The following CAMK2B variants were observed in gnomAD, a reference collection of about 807,000 sequenced individuals.
The protein encoded by CAMK2B is calcium/calmodulin-dependent protein kinase type II subunit beta.
In CAMK2B, 27 loss-of-function variants were observed where a neutral mutation model predicts 93.7. The observed-to-expected ratio is 0.29, with a 90% CI of 0.21 to 0.40. The LOEUF (loss-of-function observed/expected upper bound fraction) is 0.40, where lower values mean the gene tolerates loss of function less well. Among genes scored for constraint, CAMK2B ranks in the 10% least tolerant of loss-of-function variants. The pLI is 1.00. For missense variants in CAMK2B, 568 were observed against 895.8 expected (o/e 0.63, Z 4.67); for synonymous variants, 374 against 358.8 (o/e 1.04, Z -0.48).
chr7:44,308,966 C>T (rs1002896439), intron 1 of CAMK2B, among the ~76,000 whole-genome samples: 7 of 152,220 alleles, frequency 4.6e-5, no homozygotes, highest in Admixed American at 1.3e-4. Context: ...AACTGAGCTG[C>T]GGTGACCAGC....
chr7:44,273,664 T>C (rs1034673201), intron 2 of CAMK2B, among the ~76,000 whole-genome samples: 1 of 152,112 alleles, frequency 6.6e-6, no homozygotes, highest in Non-Finnish European at 1.5e-5. Flanking sequence ...GGCCAGCCCC[T>C]GGGGGTGCAG....
At chr7:44,266,263 C>G (rs1270983494) in intron 2 of CAMK2B, among the ~76,000 whole-genome samples, 1 of 152,204 alleles carries the variant, frequency 6.6e-6, no homozygotes, top group Non-Finnish European at 1.5e-5. Context: ...TCTCTCTCCA[C>G]CTGGCTCAGA....
At position 44,284,229 on chromosome 7, in the gene CAMK2B, G is replaced by A. The variant is rs1427867128; in HGVS notation, c.66-4C>T. On this transcript the variant is annotated splice_region_variant and splice_polypyrimidine_tract_variant and intron_variant, in intron 1 of 23. Transcript: ENST00000395749. Reference sequence around the variant, plus strand: ...TCGGACCACAGAGAAAGCCCCCCTGGGGAGGAAAATGGGGGAGCGAGAGAC... The same window carrying A: ...TCGGACCACAGAGAAAGCCCCCCTGAGGAGGAAAATGGGGGAGCGAGAGAC... 4.4e-6 allele frequency: 7 copies of A among 1,608,632 alleles called. No homozygotes were observed. The highest frequency in any genetic ancestry group is 6.0e-6 in the Non-Finnish European group (7 of 1,176,076).
At position 44,229,202 on chromosome 7, in the gene CAMK2B, C is replaced by T. The variant is rs1242471945; in HGVS notation, c.1339+186G>A. The T allele has an allele frequency of 1.5e-5, 9 of 608,384 alleles. No homozygotes were observed. In the Admixed American group the frequency reaches 2.7e-4, roughly 19 times the overall value. 37.7% of individuals were successfully genotyped at this position (608,384 alleles called of 1,614,324 possible). A position where few individuals can be genotyped will look rare whatever the true frequency, so the allele number is the denominator to read the frequency against. On this transcript the variant is annotated intron_variant, in intron 18 of 23. Transcript: ENST00000395749. ...TTGAGCAGGAAAGTGGTCCAGGGCC[C>T]TCCTCACAAAGAGGTGGGGCTCGAT...
chr7:44,285,882 G>A (rs1784944310), intron 1 of CAMK2B, among the ~76,000 whole-genome samples: 6 of 109,516 alleles, frequency 5.5e-5, no homozygotes, highest in Non-Finnish European at 7.7e-5. Context: ...GGGGGGGCGC[G>A]GCGGGGGGGC....
chr7:44,242,494 C>T (rs1451074742), intron 9 of CAMK2B, 66 bp downstream of exon 9: 5 of 1,513,604 alleles, frequency 3.3e-6, no homozygotes, highest in East Asian at 2.3e-5. Flanking sequence ...AGCCTCTTCC[C>T]ACGCTGCCCT....
intron 19 of CAMK2B, 44 bp downstream of exon 19, chr7:44,228,752 G>A: frequency 7.0e-7 from 1 of 1,427,146 alleles, no homozygotes; most frequent in Non-Finnish European, 9.2e-7. Flanking sequence ...TTCGCAGGGA[G>A]CTGTCCGGCA....
intron 2 of CAMK2B, 111 bp downstream of exon 2, chr7:44,284,020 C>CA: frequency 1.4e-6 from 1 of 738,662 alleles, no homozygotes; most frequent in Non-Finnish European, 2.3e-6. Flanking sequence ...CAGGGTGGGC[C>CA]AAGTGCTGGC....
chr7:44,286,475 G>A lies in CAMK2B; in HGVS notation c.66-2250C>T, dbSNP rs922256073. Among the ~76,000 whole-genome samples the A allele has an allele frequency of 2.0e-5, 3 of 152,212 alleles. No homozygotes were observed. The highest frequency in any genetic ancestry group is 7.2e-5 in the African/African-American group (3 of 41,450). On this transcript the variant is annotated intron_variant, in intron 1 of 23. Transcript: ENST00000395749. This position sits in a 1 kb window ranked among gnomAD's most constrained non-coding sequence, Gnocchi z 4.0. The stretch of plus-strand genomic sequence containing the variant: ...TGTGTCGAGCCCGTCCCCGGAGCAG[G>A]GAGGAGACCCAAGCGCAGCTTCCCA...
chr7:44,299,659 A>G (rs1320542066), intron 1 of CAMK2B, among the ~76,000 whole-genome samples: 1 of 152,230 alleles, frequency 6.6e-6, no homozygotes, highest in Non-Finnish European at 1.5e-5. Context: ...TTTTAGGATC[A>G]ATAATTTGCA....
chr7:44,228,705 C>G (rs2096545718), intron 19 of CAMK2B, 91 bp downstream of exon 19: 2 of 1,231,776 alleles, frequency 1.6e-6, no homozygotes, highest in Middle Eastern at 3.0e-4. Context: ...GGTAGCTGGG[C>G]CGTGCATGCA....
intron 2 of CAMK2B, among the ~76,000 whole-genome samples, chr7:44,275,269 G>T (rs943668436): frequency 1.3e-5 from 2 of 152,194 alleles, no homozygotes; most frequent in African/African-American, 4.8e-5. Flanking sequence ...ACCTGGCATT[G>T]GACCCTGACC....
intron 6 of CAMK2B, 79 bp downstream of exon 6, chr7:44,247,041 C>T: frequency 8.4e-7 from 1 of 1,185,802 alleles, no homozygotes; most frequent in Admixed American, 1.8e-5. Flanking sequence ...CACACACTGT[C>T]CAGCCCCTCA....
chr7:44,284,887 C>T (rs182937153), intron 1 of CAMK2B, among the ~76,000 whole-genome samples: 10 of 152,060 alleles, frequency 6.6e-5, no homozygotes, highest in African/African-American at 1.7e-4. Flanking sequence ...AGAGTAAGGG[C>T]GAAGGGACAT....
At chr7:44,308,832 T>C (rs957892795) in intron 1 of CAMK2B, among the ~76,000 whole-genome samples, 23 of 152,010 alleles carry the variant, frequency 1.5e-4, no homozygotes, top group African/African-American at 5.6e-4. Context: ...GCCCCTCGTC[T>C]CTCCTCACAA....
intron 2 of CAMK2B, among the ~76,000 whole-genome samples, chr7:44,275,403 G>A (rs1014937641): frequency 2.0e-5 from 3 of 152,228 alleles, no homozygotes; most frequent in African/African-American, 4.8e-5. Context: ...CACCCTCCGC[G>A]CAGCCCGGCT....
At chr7:44,260,726 T>G (rs190929667) in intron 3 of CAMK2B, among the ~76,000 whole-genome samples, 1 of 152,142 alleles carries the variant, frequency 6.6e-6, no homozygotes, top group African/African-American at 2.4e-5. Flanking sequence ...TGACCAACAC[T>G]CAGCACCAGG....
At chr7:44,256,078 G>A (rs2096831143) in intron 4 of CAMK2B, among the ~76,000 whole-genome samples, 1 of 152,146 alleles carries the variant, frequency 6.6e-6, no homozygotes, top group East Asian at 1.9e-4. Flanking sequence ...CCAGCACCTG[G>A]CATGTGACCT....
chr7:44,235,919 G>C (rs984271130), intron 13 of CAMK2B, among the ~76,000 whole-genome samples: 8 of 152,230 alleles, frequency 5.3e-5, no homozygotes, highest in African/African-American at 1.9e-4. Flanking sequence ...GCAGGCCTGG[G>C]TGGGGACAGA....
Sources: allele counts gnomAD v4.1 joint callset (sites outside exome capture counted in the v4.1 genomes callset), GRCh38; gene constraint gnomAD v4.1.1; non-coding constraint Gnocchi (gnomAD v3.1); transcripts MANE v1.5; gene names NCBI Gene and HGNC (gene_info 2026-07-23, HGNC 2026-07-21).